The following TRIM33 variants were observed in gnomAD, a reference collection of about 807,000 sequenced individuals.
TRIM33 encodes the protein tripartite motif containing 33.
Under a neutral mutation model 125.4 loss-of-function variants are expected in TRIM33, and 20 were observed. The observed-to-expected ratio is 0.16, with a 90% CI of 0.11 to 0.23. The LOEUF (loss-of-function observed/expected upper bound fraction) is 0.23, where lower values mean the gene tolerates loss of function less well. Ranked by LOEUF, TRIM33 falls within the 10% of genes least tolerant of loss-of-function variation. The pLI is 1.00. For synonymous variants in TRIM33, 564 were observed against 513.9 expected, an observed-to-expected ratio of 1.10 and a Z score of -1.32; for missense variants, 920 against 1,411.4, an observed-to-expected ratio of 0.65 and a Z score of 5.58.
chr1:114,400,930 G>A (rs1044585515), intron 17 of TRIM33, among the ~76,000 whole-genome samples: 2 of 151,880 alleles, frequency 1.3e-5, no homozygotes, highest in Non-Finnish European at 2.9e-5. Flanking sequence ...ACAACCCAAT[G>A]AGGTAAAAAA....
intron 4 of TRIM33, among the ~76,000 whole-genome samples, chr1:114,442,224 T>G (rs1297025216): frequency 1.3e-5 from 2 of 152,192 alleles, no homozygotes; most frequent in African/African-American, 4.8e-5. Flanking sequence ...ACAAACCATT[T>G]TGTCTGACAA....
At chr1:114,427,612 G>A in intron 7 of TRIM33, 136 bp downstream of exon 7, 1 of 862,576 alleles carries the variant, frequency 1.2e-6, no homozygotes, top group South Asian at 2.2e-5. Context: ...GGGGGGTGGT[G>A]GAAGTTTTCT....
intron 6 of TRIM33, among the ~76,000 whole-genome samples, chr1:114,429,381 TG>T (rs1189595511): frequency 2.0e-5 from 3 of 151,284 alleles, no homozygotes; most frequent in Admixed American, 6.6e-5. Flanking sequence ...TTAGTAGAGA[TG>T]GGGTTTCACC....
At position 114,463,515 on chromosome 1, in the gene TRIM33, A is replaced by G; in HGVS notation, c.687T>C (p.Phe229=). ...ATAGCCACTCTCCACATTCTACACA[A>G]AAGCCAACTGCACTTGCATTGTCTT... ...SCEDNASAVG[F]CVECGEWLCK... The change falls in exon 3 of 20, where the codon TTT becomes TTC. Residue 229 remains phenylalanine, a synonymous_variant. Coordinates refer to ENST00000358465, the MANE Select transcript of TRIM33 (RefSeq NM_015906.4). 1 of 1,611,876 alleles carries G rather than the reference A, an allele frequency of 6.2e-7. No individual in the cohort carries two copies. The highest frequency in any genetic ancestry group is 8.5e-7 in the Non-Finnish European group (1 of 1,178,190).
rs555342428 is a variant in TRIM33, at chr1:114,401,059, C to T, written c.2967+330G>A. On this transcript the variant is annotated intron_variant, in intron 17 of 19. Coordinates refer to ENST00000358465, the MANE Select transcript of TRIM33 (RefSeq NM_015906.4). Reference sequence around the variant, plus strand: ...TTTTTTTTTCTTTTTTTTTTTGAGACGGAGTCTCGCTCTGTCGCCCAGGCT... The same window carrying T: ...TTTTTTTTTCTTTTTTTTTTTGAGATGGAGTCTCGCTCTGTCGCCCAGGCT... 2.4e-3 allele frequency among the ~76,000 whole-genome samples: 339 copies of T among 141,976 alleles called. 3 individuals are homozygous for T. Among genetic ancestry groups the T allele is most frequent in the African/African-American group, 8.3e-3 (316 of 38,112 alleles). 93.1% of individuals were successfully genotyped at this position (141,976 alleles called of 152,430 possible). A position where few individuals can be genotyped will look rare whatever the true frequency, so the allele number is the denominator to read the frequency against.
chr1:114,464,150 A>G (rs745640357), intron 2 of TRIM33, 120 bp downstream of exon 2: 2 of 532,996 alleles, frequency 3.8e-6, no homozygotes, highest in Middle Eastern at 4.5e-4. Flanking sequence ...TTAACTTTCT[A>G]TTTGAAACAG....
At chr1:114,402,639 T>C in intron 16 of TRIM33, 121 bp downstream of exon 16, 1 of 1,171,102 alleles carries the variant, frequency 8.5e-7, no homozygotes, top group Non-Finnish European at 1.2e-6. Flanking sequence ...TACCATCAGA[T>C]GACAGGATTA....
intron 4 of TRIM33, among the ~76,000 whole-genome samples, chr1:114,452,793 T>A (rs557483694): frequency 6.6e-6 from 1 of 150,570 alleles, no homozygotes; most frequent in Admixed American, 6.6e-5. Context: ...TCATAACAAT[T>A]TGGAAGGCTG....
chr1:114,470,501 T>G (rs925937272), intron 1 of TRIM33, among the ~76,000 whole-genome samples: 4 of 152,124 alleles, frequency 2.6e-5, no homozygotes, highest in Non-Finnish European at 5.9e-5. Flanking sequence ...GACTGGCCAC[T>G]CCCTGTCTCT....
intron 1 of TRIM33, among the ~76,000 whole-genome samples, chr1:114,508,923 T>C (rs1213335130): frequency 2.0e-5 from 3 of 152,246 alleles, no homozygotes. Context: ...AAAGGTCATC[T>C]GCCCAAGTCG....
rs1371169788 is a variant in TRIM33, at chr1:114,463,329, AAAGAAT to A, written c.790+77_790+82del. The A allele has an allele frequency of 1.7e-5, 27 of 1,554,074 alleles. No homozygotes were observed. The East Asian group carries it at 5.9e-4, about 34-fold the overall frequency. ...ATTGATGTTGCTATCCAAAGTTTAT[AAAGAAT>A]AAGTAGAAAATTCTATAGGGGCAAA... On this transcript the variant is annotated intron_variant, in intron 3 of 19. Coordinates refer to ENST00000358465, the MANE Select transcript of TRIM33 (RefSeq NM_015906.4).
chr1:114,506,596 G>A (rs1425357425), intron 1 of TRIM33, among the ~76,000 whole-genome samples: 3 of 151,822 alleles, frequency 2.0e-5, no homozygotes, highest in Non-Finnish European at 4.4e-5. Flanking sequence ...TTGAACTCTT[G>A]GCCTCAAGTT....
chr1:114,396,601 A>G lies in TRIM33; in HGVS notation c.*1047T>C, dbSNP rs1414459624. 5.0e-6 allele frequency: 1 copy of G among 199,954 alleles called. No individual in the cohort carries two copies. The allele number at this position is 199,954 out of a possible 1,614,324, so 12.4% of individuals were successfully genotyped here. A position where few individuals can be genotyped will look rare whatever the true frequency, so the allele number is the denominator to read the frequency against. On this transcript the variant is annotated 3_prime_UTR_variant, in exon 20 of 20. Transcript: ENST00000358465. Reference sequence around the variant, plus strand: ...CATTCTTGATAGGAACATTAGTAAGAATACACATTAGCTTAAAAAACAGGC... The same window carrying G: ...CATTCTTGATAGGAACATTAGTAAGGATACACATTAGCTTAAAAAACAGGC...
At chr1:114,475,137 C>T (rs1650900830) in intron 1 of TRIM33, among the ~76,000 whole-genome samples, 2 of 151,990 alleles carry the variant, frequency 1.3e-5, no homozygotes, top group Admixed American at 6.6e-5. Context: ...ATATGACCCC[C>T]CACAAAACAA....
At chr1:114,465,258 TG>T (rs1316698868) in intron 1 of TRIM33, among the ~76,000 whole-genome samples, 1 of 152,166 alleles carries the variant, frequency 6.6e-6, no homozygotes, top group Non-Finnish European at 1.5e-5. Context: ...GCTAAATAAC[TG>T]AAAATAGCAC....
chr1:114,449,442 G>A (rs1042385616), intron 4 of TRIM33, among the ~76,000 whole-genome samples: 15 of 152,136 alleles, frequency 9.9e-5, no homozygotes, highest in African/African-American at 3.6e-4. Flanking sequence ...GGCACTTGTG[G>A]CACTCTCTTG....
intron 1 of TRIM33, among the ~76,000 whole-genome samples, chr1:114,483,604 G>A (rs568493523): frequency 2.0e-5 from 3 of 151,846 alleles, no homozygotes; most frequent in Admixed American, 2.0e-4. Flanking sequence ...GTAGAGACGG[G>A]GTTTCGCCAT....
chr1:114,500,327 T>A (rs1388471043), intron 1 of TRIM33, among the ~76,000 whole-genome samples: 1 of 152,134 alleles, frequency 6.6e-6, no homozygotes, highest in Non-Finnish European at 1.5e-5. Flanking sequence ...TCGTTGTTTT[T>A]CTGTTCTTTT....
intron 1 of TRIM33, among the ~76,000 whole-genome samples, chr1:114,504,613 A>AC (rs1383760916): frequency 2.0e-5 from 3 of 151,976 alleles, no homozygotes; most frequent in Admixed American, 1.3e-4. Flanking sequence ...CACTACCATC[A>AC]CCCCCACCCC....
Sources: allele counts gnomAD v4.1 joint callset (sites outside exome capture counted in the v4.1 genomes callset), GRCh38; gene constraint gnomAD v4.1.1; transcripts MANE v1.5; gene names NCBI Gene and HGNC (gene_info 2026-07-23, HGNC 2026-07-21).